Variants in GLYATL1 observed in about 807,000 individuals in gnomAD.
GLYATL1 encodes the protein glycine N-acyltransferase-like protein 1.
GLYATL1 carries 15 observed loss-of-function variants against 20.0 expected under a neutral mutation model. The ratio of observed to expected loss-of-function variants is 0.75; its 90% CI spans 0.50 to 1.15. The LOEUF is 1.15. Ranked by LOEUF, GLYATL1 falls within the 50% of genes most tolerant of loss-of-function variation. GLYATL1 has a pLI of 0.00. For missense variants in GLYATL1, 380 were observed against 368.5 expected (o/e 1.03, Z -0.26); for synonymous variants, 151 against 131.5 (o/e 1.15, Z -1.01).
intron 1 of GLYATL1, among the ~76,000 whole-genome samples, chr11:58,916,699 C>T (rs1344270556): frequency 3.9e-5 from 6 of 152,186 alleles, no homozygotes; most frequent in Admixed American, 1.3e-4. Flanking sequence ...CAGTCCTCCT[C>T]CTGTTACCAG....
At chr11:58,935,589 T>C (rs1855796719), upstream of GLYATL1, 1 of 152,214 alleles carries the variant, frequency 6.6e-6, no homozygotes, top group Non-Finnish European at 1.5e-5. Context: ...GGATAAATGC[T>C]AGAAAGTCCC....
chr11:58,919,538 G>A (rs778556124), intron 1 of GLYATL1, among the ~76,000 whole-genome samples: 2 of 152,136 alleles, frequency 1.3e-5, no homozygotes, highest in Admixed American at 1.3e-4. Context: ...AGAGTCAGGG[G>A]TAGTCCAAAT....
chr11:58,914,025 C>T (rs1769111411), intron 1 of GLYATL1, among the ~76,000 whole-genome samples: 1 of 152,142 alleles, frequency 6.6e-6, no homozygotes. Flanking sequence ...GCCACTTTCT[C>T]TCTCTTTATG....
downstream of GLYATL1, among the ~76,000 whole-genome samples, chr11:58,912,687 G>A (rs1855078966): frequency 6.6e-6 from 1 of 152,284 alleles, no homozygotes; most frequent in African/African-American, 2.4e-5. Context: ...GGAGGGAAAT[G>A]TTTTCCAATT....
chr11:58,928,478 C>T (rs1422909884), intron 1 of GLYATL1: 3 of 152,252 alleles, frequency 2.0e-5, no homozygotes, highest in Non-Finnish European at 2.9e-5. Context: ...AGGTCTGTTT[C>T]TGCAGACCCC....
chr11:58,943,232 AC>A, intron 1 of GLYATL1: 1 of 1,482,204 alleles, frequency 6.7e-7, no homozygotes, highest in Non-Finnish European at 8.9e-7. Flanking sequence ...AGTAGTGTGC[AC>A]CTGTAACAAT....
chr11:58,941,581 A>G (rs1028226142), intron 1 of GLYATL1, among the ~76,000 whole-genome samples: 4 of 152,194 alleles, frequency 2.6e-5, no homozygotes, highest in African/African-American at 9.7e-5. Flanking sequence ...GAGGAGTAGT[A>G]ATTTTTAATA....
Position 58,943,674 on chromosome 11 carries a change from C to G in GLYATL1, c.-43+8C>G. ...AGTGGCTGAGGATAATAGGTAAGCTCCCTCTCGCATTTTGGAGCTTCACAC... is the reference window on the plus strand; with the variant it reads ...AGTGGCTGAGGATAATAGGTAAGCTGCCTCTCGCATTTTGGAGCTTCACAC... On this transcript the variant is annotated splice_region_variant and intron_variant, in intron 2 of 6. Transcript: ENST00000532726. The G allele has an allele frequency of 1.2e-6, 2 of 1,611,416 alleles. No homozygotes were observed. The highest frequency in any genetic ancestry group is 1.7e-6 in the Non-Finnish European group (2 of 1,178,888).
At chr11:58,933,127 G>A (rs2135141972) in intron 1 of GLYATL1, among the ~76,000 whole-genome samples, 1 of 152,220 alleles carries the variant, frequency 6.6e-6, no homozygotes, top group South Asian at 2.1e-4. Context: ...CAGGAAGAGG[G>A]GCACAATTAA....
intron 4 of GLYATL1, among the ~76,000 whole-genome samples, chr11:58,950,841 T>C (rs1024991680): frequency 2.6e-5 from 4 of 152,184 alleles, no homozygotes; most frequent in African/African-American, 9.7e-5. Context: ...TTTTCATGTT[T>C]CTCGGTCATT....
upstream of GLYATL1, among the ~76,000 whole-genome samples, chr11:58,926,347 C>T (rs963900194): frequency 4.6e-5 from 7 of 152,150 alleles, no homozygotes; most frequent in Non-Finnish European, 7.3e-5. Flanking sequence ...TGACATAAGC[C>T]AATGGGCCAG....
At chr11:58,935,416 G>A (rs1855789315), upstream of GLYATL1, 2 of 152,076 alleles carry the variant, frequency 1.3e-5, no homozygotes, top group South Asian at 4.2e-4. Flanking sequence ...GTTGTGGGAG[G>A]GGTGACACAG....
Position 58,955,198 on chromosome 11 carries a change from G to C in GLYATL1, c.336G>C (p.Glu112Asp). 3 of 1,613,434 alleles carry C rather than the reference G, an allele frequency of 1.9e-6. No individual in the cohort carries two copies. Among genetic ancestry groups the C allele is most frequent in the Non-Finnish European group, 2.5e-6 (3 of 1,179,792 alleles). ...QIQGLQESLGEGIRVATFSKS... is the reference protein window; with the variant it reads ...QIQGLQESLGDGIRVATFSKS... ...CAGGTCTTCAAGAAAGTTTAGGTGA[G>C]GGGATAAGAGTGGCTACATTTTCAA... Residue 112 changes from glutamate (E) to aspartate (D), a missense_variant, in exon 6 of 7, where the codon GAG becomes GAC. Transcript: ENST00000532726.
At chr11:58,916,156 A>G (rs972655018) in intron 1 of GLYATL1, among the ~76,000 whole-genome samples, 1 of 152,102 alleles carries the variant, frequency 6.6e-6, no homozygotes, top group African/African-American at 2.4e-5. Flanking sequence ...CTTTTTTGGA[A>G]TGGGGACTTT....
chr11:58,905,528 G>A, exon 1 of GLYATL1: 1 of 456,264 alleles, frequency 2.2e-6, no homozygotes, highest in South Asian at 1.5e-5. Flanking sequence ...ATCAAAAGGC[G>A]GAAAAAGCGC....
chr11:58,918,036 C>T (rs1855217366), intron 1 of GLYATL1, among the ~76,000 whole-genome samples: 1 of 152,160 alleles, frequency 6.6e-6, no homozygotes, highest in South Asian at 2.1e-4. Context: ...TAATAGAAAG[C>T]TTCACTACAA....
intron 1 of GLYATL1, chr11:58,905,726 C>T (rs1484904472): frequency 1.2e-5 from 2 of 171,666 alleles, no homozygotes; most frequent in African/African-American, 7.3e-5. Context: ...CGGGATGGGT[C>T]ATCTGGACAA....
At chr11:58,938,645 GA>G (rs1855944280), upstream of GLYATL1, among the ~76,000 whole-genome samples, 1 of 152,188 alleles carries the variant, frequency 6.6e-6, no homozygotes, top group African/African-American at 2.4e-5. Flanking sequence ...TTGATCCACA[GA>G]GTAGATACAT....
At chr11:58,915,791 C>A (rs1938787) in intron 1 of GLYATL1, among the ~76,000 whole-genome samples, 1 of 151,982 alleles carries the variant, frequency 6.6e-6, no homozygotes, top group Non-Finnish European at 1.5e-5. Context: ...ACTGGGCATC[C>A]GTTTCTCCAT....
Sources: gnomAD v4.1 joint callset for allele counts (sites outside exome capture counted in the v4.1 genomes callset) on GRCh38, gnomAD v4.1.1 for gene constraint, MANE v1.5 for transcripts, NCBI Gene and HGNC (gene_info 2026-07-23, HGNC 2026-07-21) for gene names.